The following CHN1 variants were observed in gnomAD, a reference collection of about 807,000 sequenced individuals.
CHN1 encodes the protein N-chimaerin.
CHN1 carries 37 observed loss-of-function variants against 59.5 expected under a neutral mutation model. That is an observed-to-expected ratio of 0.62 (90% CI 0.48 to 0.82). CHN1 has a LOEUF of 0.82. Ranked by LOEUF, CHN1 falls within the 40% of genes least tolerant of loss-of-function variation. The pLI is 0.00. For synonymous variants in CHN1, 206 were observed against 200.4 expected (o/e 1.03, Z -0.24); for missense variants, 469 against 571.0 (o/e 0.82, Z 1.82).
At chr2:174,971,428 T>C (rs1479402454) in intron 1 of CHN1, among the ~76,000 whole-genome samples, 1 of 152,222 alleles carries the variant, frequency 6.6e-6, no homozygotes, top group Non-Finnish European at 1.5e-5. Flanking sequence ...TCAAATTCAG[T>C]AAATAGCAAC....
chr2:174,860,272 T>G (rs1687028556), intron 6 of CHN1, among the ~76,000 whole-genome samples: 1 of 152,174 alleles, frequency 6.6e-6, no homozygotes, highest in African/African-American at 2.4e-5. Flanking sequence ...ATTTACAAGG[T>G]GGAAAGCCAT....
intron 1 of CHN1, among the ~76,000 whole-genome samples, chr2:174,963,153 T>A (rs1690471983): frequency 6.6e-6 from 1 of 152,144 alleles, no homozygotes; most frequent in South Asian, 2.1e-4. Flanking sequence ...ACACCTTCTA[T>A]GGGTGAGGGT....
At chr2:174,986,745 T>C (rs1691356647) in intron 1 of CHN1, among the ~76,000 whole-genome samples, 1 of 152,268 alleles carries the variant, frequency 6.6e-6, no homozygotes, top group Non-Finnish European at 1.5e-5. Flanking sequence ...TTTGTTTGTT[T>C]GCTTGTTTTG....
chr2:174,888,915 C>T (rs1169705101), intron 5 of CHN1, among the ~76,000 whole-genome samples: 1 of 152,150 alleles, frequency 6.6e-6, no homozygotes, highest in African/African-American at 2.4e-5. Context: ...GCCAGTGCAG[C>T]CCGGTGTGAA....
intron 5 of CHN1, among the ~76,000 whole-genome samples, chr2:174,912,154 G>A (rs1688721373): frequency 6.6e-6 from 1 of 151,818 alleles, no homozygotes; most frequent in Non-Finnish European, 1.5e-5. Context: ...AGAAAGGTAT[G>A]GCTCCAAAAC....
chr2:175,003,180 C>G (rs757100999), intron 1 of CHN1, among the ~76,000 whole-genome samples: 1 of 152,228 alleles, frequency 6.6e-6, no homozygotes. Flanking sequence ...CACTACTTAA[C>G]AAATAGCCTC....
intron 3 of CHN1, among the ~76,000 whole-genome samples, chr2:174,922,818 G>C (rs1689052383): frequency 6.6e-6 from 1 of 152,146 alleles, no homozygotes; most frequent in African/African-American, 2.4e-5. Flanking sequence ...GAATAATGTA[G>C]ATCTATTGAG....
chr2:175,000,509 T>A (rs1490711635), intron 1 of CHN1, among the ~76,000 whole-genome samples: 1 of 151,900 alleles, frequency 6.6e-6, no homozygotes, highest in East Asian at 1.9e-4. Context: ...AGTGACACAA[T>A]CTCAGCTCAC....
intron 11 of CHN1, among the ~76,000 whole-genome samples, chr2:174,806,835 G>C (rs1259429523): frequency 1.3e-5 from 2 of 152,316 alleles, no homozygotes; most frequent in Admixed American, 1.3e-4. Flanking sequence ...TCTACTGCCA[G>C]AAGAGAGTGT....
At chr2:174,821,699 G>A (rs183262882) in intron 8 of CHN1, 36 of 451,324 alleles carry the variant, frequency 8.0e-5, no homozygotes, top group Non-Finnish European at 1.3e-4. Flanking sequence ...CTTTCCAGGC[G>A]CCATCTTGGA....
At chr2:175,003,446 A>G (rs548480990) in intron 1 of CHN1, among the ~76,000 whole-genome samples, 42 of 152,270 alleles carry the variant, frequency 2.8e-4, no homozygotes, top group African/African-American at 7.7e-4. Flanking sequence ...TTTCACCCCA[A>G]TTTATCTTTT....
At chr2:174,897,985 A>G (rs905647311) in intron 5 of CHN1, among the ~76,000 whole-genome samples, 1 of 152,180 alleles carries the variant, frequency 6.6e-6, no homozygotes, top group South Asian at 2.1e-4. Flanking sequence ...CCTCAGTGAT[A>G]GCATCCTGAT....
intron 11 of CHN1, 38 bp from the exon 12 acceptor site, chr2:174,801,850 AAC>A: frequency 2.1e-6 from 3 of 1,397,550 alleles, no homozygotes; most frequent in Non-Finnish European, 3.0e-6. Flanking sequence ...GAAAAGAAAT[AAC>A]ACAAAACTGA....
chr2:174,845,579 T>C (rs2105433814), intron 7 of CHN1, among the ~76,000 whole-genome samples: 1 of 152,184 alleles, frequency 6.6e-6, no homozygotes, highest in South Asian at 2.1e-4. Context: ...TAAATCAAGA[T>C]ATTGGTTGAA....
intron 1 of CHN1, among the ~76,000 whole-genome samples, chr2:174,994,666 T>A (rs546269855): frequency 6.6e-6 from 1 of 152,284 alleles, no homozygotes; most frequent in Admixed American, 6.5e-5. Flanking sequence ...GAAGAGACGA[T>A]TATTCAAGCT....
At chr2:174,809,388 T>C (rs967037381) in intron 10 of CHN1, among the ~76,000 whole-genome samples, 1 of 152,206 alleles carries the variant, frequency 6.6e-6, no homozygotes, top group Non-Finnish European at 1.5e-5. Context: ...TTAACCATCA[T>C]ATCTAAAGTG....
chr2:174,830,499 TAAC>T (rs1187153028), intron 7 of CHN1, among the ~76,000 whole-genome samples: 1 of 152,204 alleles, frequency 6.6e-6, no homozygotes, highest in African/African-American at 2.4e-5. Context: ...AATAATGTAT[TAAC>T]AAAGAGCGAG....
intron 6 of CHN1, among the ~76,000 whole-genome samples, chr2:174,866,928 T>G (rs1687235123): frequency 6.6e-6 from 1 of 152,076 alleles, no homozygotes; most frequent in Non-Finnish European, 1.5e-5. Context: ...TTATTAGTTA[T>G]CCTTATTTAT....
intron 1 of CHN1, among the ~76,000 whole-genome samples, chr2:174,995,158 T>C (rs772743237): frequency 3.9e-5 from 6 of 152,210 alleles, no homozygotes; most frequent in Non-Finnish European, 7.3e-5. Flanking sequence ...GTGCCAAACA[T>C]TGAGTTTACA....
Sources: allele counts gnomAD v4.1 joint callset (sites outside exome capture counted in the v4.1 genomes callset), GRCh38; gene constraint gnomAD v4.1.1; transcripts MANE v1.5; gene names NCBI Gene and HGNC (gene_info 2026-07-23, HGNC 2026-07-21).